FOXP2: variants seen among roughly 807,000 people sequenced by gnomAD.
FOXP2 encodes forkhead box P2, also known as forkhead box protein P2.
Under a neutral mutation model 115.8 loss-of-function variants are expected in FOXP2, and 12 were observed. The observed-to-expected ratio is 0.10, with a 90% confidence interval of 0.07 to 0.17. The LOEUF (loss-of-function observed/expected upper bound fraction) is 0.17. FOXP2 is among the 10% of genes least tolerant of loss of function. The pLI is 1.00. For synonymous variants in FOXP2, 328 were observed against 297.7 expected, an observed-to-expected ratio of 1.10 and a Z score of -1.05; for missense variants, 629 against 843.5, an observed-to-expected ratio of 0.75 and a Z score of 3.15.
At chr7:114,510,263 AGAT>A (rs1798007710) in intron 2 of FOXP2, among the ~76,000 whole-genome samples, 1 of 152,170 alleles carries the variant, frequency 6.6e-6, no homozygotes, top group Admixed American at 6.6e-5. Flanking sequence ...TACAGACAGA[AGAT>A]TTTCATTTTC....
chr7:114,271,794 CATATT>C (rs1005729228), intron 1 of FOXP2, among the ~76,000 whole-genome samples: 103 of 113,724 alleles, frequency 9.1e-4, no homozygotes, highest in Non-Finnish European at 1.2e-3. Context: ...AAATGTATGT[CATATT>C]ATTTATATTT....
chr7:114,245,793 T>A (rs555468378), intron 1 of FOXP2, among the ~76,000 whole-genome samples: 152 of 152,286 alleles, frequency 1.0e-3, no homozygotes, highest in Non-Finnish European at 1.7e-3. Flanking sequence ...CTTCTAAGTG[T>A]ATAAAATTTA....
chr7:114,512,852 G>A (rs187667093), intron 2 of FOXP2, among the ~76,000 whole-genome samples: 1 of 152,216 alleles, frequency 6.6e-6, no homozygotes, highest in African/African-American at 2.4e-5. Context: ...GGGAGGCAGA[G>A]GCAGGTTGAT....
chr7:114,272,982 T>G (rs969943415), intron 1 of FOXP2, among the ~76,000 whole-genome samples: 1 of 152,070 alleles, frequency 6.6e-6, no homozygotes, highest in Admixed American at 6.5e-5. Context: ...TTTGCTTACT[T>G]TGGATGTAAT....
intron 2 of FOXP2, among the ~76,000 whole-genome samples, chr7:114,377,961 C>G (rs756775676): frequency 6.6e-6 from 1 of 152,066 alleles, no homozygotes; most frequent in African/African-American, 2.4e-5. Context: ...CTGGCATGCT[C>G]GCTCCCCTCT....
intron 3 of FOXP2, among the ~76,000 whole-genome samples, chr7:114,599,491 T>C (rs1802906763): frequency 6.6e-6 from 1 of 152,174 alleles, no homozygotes; most frequent in Non-Finnish European, 1.5e-5. Context: ...TGGGGACGTT[T>C]CTAAATCAAT....
At chr7:114,624,475 T>C (rs1287373681) in intron 3 of FOXP2, among the ~76,000 whole-genome samples, 1 of 151,900 alleles carries the variant, frequency 6.6e-6, no homozygotes, top group East Asian at 1.9e-4. Flanking sequence ...AAGAAAGAAT[T>C]GGACTGACAC....
intron 1 of FOXP2, among the ~76,000 whole-genome samples, chr7:114,135,010 T>C (rs961757505): frequency 1.3e-5 from 2 of 152,230 alleles, no homozygotes; most frequent in African/African-American, 4.8e-5. Flanking sequence ...AAAGCTATTA[T>C]TAGTAGATTT....
chr7:114,248,210 GAGAC>G (rs1189509284), intron 1 of FOXP2, among the ~76,000 whole-genome samples: 1 of 139,986 alleles, frequency 7.1e-6, no homozygotes, highest in Non-Finnish European at 1.6e-5. Context: ...GAGAGAGAGA[GAGAC>G]AGAGAGACAG....
intron 2 of FOXP2, among the ~76,000 whole-genome samples, chr7:114,450,572 GC>G (rs1279057646): frequency 1.3e-5 from 2 of 152,010 alleles, no homozygotes; most frequent in Non-Finnish European, 2.9e-5. Context: ...CTTTTGTGAT[GC>G]ACATTCAGAA....
intron 1 of FOXP2, among the ~76,000 whole-genome samples, chr7:114,175,166 T>C (rs1793255576): frequency 6.6e-6 from 1 of 152,134 alleles, no homozygotes; most frequent in Non-Finnish European, 1.5e-5. Context: ...TTTCTCTATA[T>C]TTCTTCTGGT....
At chr7:114,126,023 C>T (rs1263512272) in intron 1 of FOXP2, among the ~76,000 whole-genome samples, 1 of 152,044 alleles carries the variant, frequency 6.6e-6, no homozygotes, top group Non-Finnish European at 1.5e-5. Flanking sequence ...AGGTAGTATG[C>T]TAGGTCTTAG....
intron 6 of FOXP2, among the ~76,000 whole-genome samples, chr7:114,641,264 A>G (rs999685479): frequency 6.6e-6 from 1 of 152,228 alleles, no homozygotes; most frequent in Non-Finnish European, 1.5e-5. Context: ...ACACAGTACT[A>G]TTTTGTAAGT....
chr7:114,154,339 T>G (rs1792603838), intron 1 of FOXP2, among the ~76,000 whole-genome samples: 1 of 152,046 alleles, frequency 6.6e-6, no homozygotes. Context: ...AGGTGGGTTT[T>G]TTTTTTCCAC....
intron 2 of FOXP2, among the ~76,000 whole-genome samples, chr7:114,430,462 A>G (rs1296387583): frequency 1.3e-5 from 2 of 151,824 alleles, no homozygotes; most frequent in Non-Finnish European, 3.0e-5. Context: ...AAGATTTTAG[A>G]CATTGTTTGA....
intron 1 of FOXP2, among the ~76,000 whole-genome samples, chr7:114,267,768 TAAATAAATA>T (rs1310335368): frequency 2.1e-5 from 3 of 142,958 alleles, no homozygotes; most frequent in Non-Finnish European, 3.0e-5. Flanking sequence ...AATAAATAAA[TAAATAAATA>T]AATAAAATAA....
chr7:114,255,924 A>T (rs551886868), intron 1 of FOXP2, among the ~76,000 whole-genome samples: 1 of 152,164 alleles, frequency 6.6e-6, no homozygotes, highest in Non-Finnish European at 1.5e-5. Flanking sequence ...CTATTCGGCC[A>T]TCGTGGAACC....
chr7:114,337,056 A>G (rs998431061), intron 2 of FOXP2, among the ~76,000 whole-genome samples: 5 of 151,600 alleles, frequency 3.3e-5, no homozygotes, highest in East Asian at 1.9e-4. Context: ...TAGATCCAAA[A>G]GAATCTGCTG....
At chr7:114,642,681 T>G (rs1805603640) in intron 7 of FOXP2, 58 bp downstream of exon 7, 10 of 1,496,994 alleles carry the variant, frequency 6.7e-6, no homozygotes, top group Non-Finnish European at 6.5e-6. Flanking sequence ...TTTTCACCAT[T>G]GAGACAATGA....
Sources: gnomAD v4.1 joint callset for allele counts (sites outside exome capture counted in the v4.1 genomes callset) on GRCh38, gnomAD v4.1.1 for gene constraint, MANE v1.5 for transcripts, NCBI Gene and HGNC (gene_info 2026-07-23, HGNC 2026-07-21) for gene names.